The following SCN10A variants were observed in gnomAD, a reference collection of about 807,000 sequenced individuals.
The protein encoded by SCN10A is sodium channel protein type 10 subunit alpha.
Under a neutral mutation model 170.7 loss-of-function variants are expected in SCN10A, and 162 were observed. That is an observed-to-expected ratio of 0.95 (90% CI 0.84 to 1.08). SCN10A has a LOEUF of 1.08. SCN10A is among the 50% of genes least tolerant of loss of function. SCN10A has a pLI of 0.00. For missense variants in SCN10A, 2,527 were observed against 2,436.9 expected (o/e 1.04, Z -0.78); for synonymous variants, 985 against 904.6 (o/e 1.09, Z -1.59).
rs777774052 is a variant in SCN10A, at chr3:38,742,302, T to C, written c.2095A>G (p.Ile699Val). 4 of 1,611,992 alleles carry C rather than the reference T, an allele frequency of 2.5e-6. No homozygotes were observed. Among genetic ancestry groups the C allele is most frequent in the Non-Finnish European group, 3.4e-6 (4 of 1,178,718 alleles). Residue 699 changes from isoleucine (I) to valine (V), a missense_variant, in exon 14 of 28, where the codon ATA becomes GTA. By Grantham distance (29) the Ile-to-Val change is conservative. Transcript: ENST00000449082. ...MSPTFEAMLQ[I>V]GNIVFTIFFT... is the part of the protein sequence containing the mutation. ...GCCAGAGCACTCACGATGTTGCCTA[T>C]CTGGAGCATGGCTTCGAAGGTAGGG...
intron 5 of SCN10A, among the ~76,000 whole-genome samples, chr3:38,765,480 A>T (rs2063921682): frequency 1.3e-5 from 2 of 152,096 alleles, no homozygotes; most frequent in African/African-American, 4.8e-5. Context: ...TCCTTTCCCC[A>T]CTTACGTTTT....
At chr3:38,754,363 A>T (rs1457758512) in intron 11 of SCN10A, among the ~76,000 whole-genome samples, 1 of 152,260 alleles carries the variant, frequency 6.6e-6, no homozygotes, top group Non-Finnish European at 1.5e-5. Flanking sequence ...CCCAAATGGA[A>T]ATCCTTAGGG....
At chr3:38,780,269 CTT>C (rs2064123870) in intron 4 of SCN10A, among the ~76,000 whole-genome samples, 1 of 151,994 alleles carries the variant, frequency 6.6e-6, no homozygotes, top group African/African-American at 2.4e-5. Context: ...CGAGATTCCA[CTT>C]TCTCTGATAT....
chr3:38,802,813 C>T (rs1033797452), intron 1 of SCN10A, among the ~76,000 whole-genome samples: 4 of 152,078 alleles, frequency 2.6e-5, no homozygotes, highest in Non-Finnish European at 4.4e-5. Context: ...TCTAATTAAA[C>T]TAAAGAGCTT....
At position 38,697,585 on chromosome 3, in the gene SCN10A, C is replaced by G. The variant is rs1245874787; in HGVS notation, c.5635G>C (p.Val1879Leu). 5.0e-6 allele frequency: 8 copies of G among 1,614,056 alleles called. No individual in the cohort carries two copies. The highest frequency in any genetic ancestry group is 2.7e-5 in the African/African-American group (2 of 74,918). The stretch of plus-strand genomic sequence containing the variant: ...GCAGCCTCCTCCTCAGCTCTGGGCA[C>G]ACATGGGGTGTTAGAGAGTGCCATG... ...RSMALSNTPCVPRAEEEAASL... is the reference protein window; with the variant it reads ...RSMALSNTPCLPRAEEEAASL... Residue 1879 changes from valine (V) to leucine (L), a missense_variant, in exon 28 of 28, where the codon GTG (valine) becomes CTG (leucine). Physicochemically the swap from Val to Leu is conservative, Grantham distance 32. Coordinates refer to ENST00000449082, the MANE Select transcript of SCN10A (RefSeq NM_006514.4).
chr3:38,725,460 T>G, intron 17 of SCN10A, 146 bp from the exon 18 acceptor site: 3 of 574,578 alleles, frequency 5.2e-6, no homozygotes, highest in South Asian at 4.5e-5. Context: ...CATACACGTG[T>G]GTGAAGTGAG....
At position 38,756,872 on chromosome 3, in the gene SCN10A, C is replaced by A; in HGVS notation, c.1093-1G>T. On this transcript the variant is annotated splice_acceptor_variant, in intron 9 of 27. Coordinates refer to ENST00000449082, the MANE Select transcript of SCN10A (RefSeq NM_006514.4). LOFTEE classifies it high-confidence loss of function. ...AGATTTTCCCAGAAGTCCTCAGGGT[C>A]TGCAGGTTCAAGGGAAAGAAGAGAA... 6.2e-7 allele frequency: 1 copy of A among 1,614,094 alleles called. No individual in the cohort carries two copies. The highest frequency in any genetic ancestry group is 1.1e-5 in the South Asian group (1 of 91,070).
intron 21 of SCN10A, among the ~76,000 whole-genome samples, chr3:38,716,541 C>G (rs1156394369): frequency 2.6e-5 from 4 of 152,170 alleles, no homozygotes; most frequent in African/African-American, 9.7e-5. Context: ...AATTAAACCT[C>G]TTTCTTTTAT....
intron 1 of SCN10A, among the ~76,000 whole-genome samples, chr3:38,814,068 A>G (rs2064456891): frequency 6.6e-6 from 1 of 152,212 alleles, no homozygotes; most frequent in Admixed American, 6.5e-5. Flanking sequence ...CTAAAATGAG[A>G]CATGCACCAT....
At chr3:38,814,650 G>T (rs2064460919) in intron 1 of SCN10A, among the ~76,000 whole-genome samples, 1 of 152,072 alleles carries the variant, frequency 6.6e-6, no homozygotes, top group Admixed American at 6.5e-5. Flanking sequence ...GTAGGTATGT[G>T]CTCTTTCATA....
chr3:38,767,127 T>G (rs866986347), intron 5 of SCN10A, among the ~76,000 whole-genome samples: 2 of 152,054 alleles, frequency 1.3e-5, no homozygotes, highest in Admixed American at 6.5e-5. Flanking sequence ...TCTCTCTTCT[T>G]TTCTTGGTTA....
intron 1 of SCN10A, among the ~76,000 whole-genome samples, chr3:38,808,120 G>T (rs1252624505): frequency 6.6e-6 from 1 of 152,040 alleles, no homozygotes; most frequent in Non-Finnish European, 1.5e-5. Flanking sequence ...GCATGATCTG[G>T]TCCCTGCCCA....
chr3:38,742,481 G>T lies in SCN10A; in HGVS notation c.1916C>A (p.Ser639Tyr). The T allele has an allele frequency of 6.2e-7, 1 of 1,614,202 alleles. No individual in the cohort carries two copies. The highest frequency in any genetic ancestry group is 8.5e-7 in the Non-Finnish European group (1 of 1,180,044). Residue 639 changes from serine (S) to tyrosine (Y), a missense_variant, in exon 14 of 28, where the codon TCT becomes TAT. Coordinates refer to ENST00000449082, the MANE Select transcript of SCN10A (RefSeq NM_006514.4). The part of the protein sequence containing the change: ...QKCPPCLTSL[S>Y]QKYLIWDCCP... ...GCAATCCCAGATCAGATACTTCTGA[G>T]ACAAGCTGGTCAAGCAGGGTGGGCA... is the stretch of plus-strand genomic sequence containing the variant.
intron 8 of SCN10A, 99 bp from the exon 9 acceptor site, chr3:38,757,258 C>A: frequency 8.4e-7 from 1 of 1,187,022 alleles, no homozygotes; most frequent in East Asian, 2.4e-5. Flanking sequence ...GATCAGAGTT[C>A]AAGACCTAGT....
chr3:38,702,113 A>G lies in SCN10A; in HGVS notation c.4387-4T>C, dbSNP rs904974260. 17 of 1,535,922 alleles carry G rather than the reference A, an allele frequency of 1.1e-5. No homozygotes were observed. The highest frequency in any genetic ancestry group is 8.3e-5 in the Admixed American group (4 of 48,028). ...AGACAAAACCCTGGAACTTGTTCTG[A>G]GAAAACAAGAGATAGTGGCATCAGG... On this transcript the variant is annotated splice_polypyrimidine_tract_variant and splice_region_variant and intron_variant, in intron 26 of 27. Coordinates refer to ENST00000449082, the MANE Select transcript of SCN10A (RefSeq NM_006514.4).
At chr3:38,803,734 C>T (rs945319620) in intron 1 of SCN10A, among the ~76,000 whole-genome samples, 9 of 151,944 alleles carry the variant, frequency 5.9e-5, no homozygotes, top group Admixed American at 1.3e-4. Flanking sequence ...ACCAACATGA[C>T]GCATGTATAC....
chr3:38,763,632 C>A, intron 5 of SCN10A, 36 bp from the exon 6 acceptor site: 1 of 1,519,672 alleles, frequency 6.6e-7, no homozygotes, highest in Non-Finnish European at 9.1e-7. Context: ...TCTCTGCAAG[C>A]AAGGGTCCTG....
chr3:38,707,538 A>C (rs1186769548), intron 25 of SCN10A, among the ~76,000 whole-genome samples, 155 bp from the exon 26 acceptor site: 2 of 152,150 alleles, frequency 1.3e-5, no homozygotes, highest in Non-Finnish European at 2.9e-5. Context: ...TGCCACATCC[A>C]GTGTCGGAAC....
chr3:38,800,366 G>A (rs1040221946), intron 1 of SCN10A, among the ~76,000 whole-genome samples: 15 of 152,324 alleles, frequency 9.8e-5, no homozygotes, highest in Non-Finnish European at 2.1e-4. Flanking sequence ...GTAGGTCTGA[G>A]GTGAGGCCCA....
Sources: allele counts gnomAD v4.1 joint callset (sites outside exome capture counted in the v4.1 genomes callset), GRCh38; gene constraint gnomAD v4.1.1; transcripts MANE v1.5; gene names NCBI Gene and HGNC (gene_info 2026-07-23, HGNC 2026-07-21).